The following STK3 variants were observed in gnomAD, a reference collection of about 807,000 sequenced individuals.
The protein encoded by STK3 is serine/threonine-protein kinase 3.
In STK3, 41 loss-of-function variants were observed where a neutral mutation model predicts 58.0. The ratio of observed to expected loss-of-function variants is 0.71; its 90% CI spans 0.55 to 0.92. STK3 has a LOEUF of 0.92. Among genes scored for constraint, STK3 ranks in the 40% least tolerant of loss-of-function variants. The pLI, the probability that STK3 is intolerant of heterozygous loss-of-function variation, is 0.00. For synonymous variants in STK3, 170 were observed against 191.0 expected, an observed-to-expected ratio of 0.89 and a Z score of 0.91; for missense variants, 479 against 602.7, an observed-to-expected ratio of 0.79 and a Z score of 2.15.
chr8:98,693,499 T>C (rs1422823163), intron 6 of STK3, among the ~76,000 whole-genome samples: 1 of 151,932 alleles, frequency 6.6e-6, no homozygotes, highest in Non-Finnish European at 1.5e-5. Context: ...GAAAACAGGA[T>C]TGCAGGCAGC....
At chr8:98,485,311 G>A (rs1335759641) in intron 10 of STK3, among the ~76,000 whole-genome samples, 1 of 152,142 alleles carries the variant, frequency 6.6e-6, no homozygotes, top group Non-Finnish European at 1.5e-5. Flanking sequence ...CATACAAGTG[G>A]TCAATTTGAA....
chr8:98,508,051 G>A (rs1322308119), intron 10 of STK3, among the ~76,000 whole-genome samples: 4 of 152,028 alleles, frequency 2.6e-5, no homozygotes, highest in African/African-American at 7.2e-5. Context: ...CTCCATTACA[G>A]TATATGCTTT....
intron 3 of STK3, among the ~76,000 whole-genome samples, chr8:98,425,317 T>C (rs1338493263): frequency 2.7e-5 from 3 of 113,128 alleles, no homozygotes; most frequent in Non-Finnish European, 5.6e-5. Context: ...TTTCTCCGTC[T>C]CTCCCTCTCA....
chr8:98,635,526 C>CA (rs1475344365), intron 6 of STK3, among the ~76,000 whole-genome samples: 2 of 152,228 alleles, frequency 1.3e-5, no homozygotes, highest in Admixed American at 6.5e-5. Context: ...TCTTAATCAT[C>CA]AAGTTATACT....
intron 1 of STK3, among the ~76,000 whole-genome samples, chr8:98,903,674 A>T (rs1303430835): frequency 6.6e-6 from 1 of 151,830 alleles, no homozygotes. Context: ...CAAACACTGC[A>T]TTACAGATGT....
chr8:98,586,478 G>A (rs1367605462), intron 7 of STK3, among the ~76,000 whole-genome samples: 3 of 149,800 alleles, frequency 2.0e-5, no homozygotes, highest in Non-Finnish European at 4.4e-5. Context: ...GCTTTTTGAT[G>A]TGCTGCTGGA....
chr8:98,582,262 C>T (rs1272363670), intron 7 of STK3, among the ~76,000 whole-genome samples: 1 of 151,958 alleles, frequency 6.6e-6, no homozygotes, highest in Non-Finnish European at 1.5e-5. Context: ...GAATCTGGTA[C>T]ATTCATCTTT....
At chr8:98,924,036 T>C (rs1839690688) in intron 1 of STK3, among the ~76,000 whole-genome samples, 1 of 152,190 alleles carries the variant, frequency 6.6e-6, no homozygotes, top group Non-Finnish European at 1.5e-5. Context: ...CATTGTACCC[T>C]GAAAGAGTTG....
At chr8:98,370,342 AGTGT>A (rs35062643), downstream of STK3, among the ~76,000 whole-genome samples, 4,632 of 138,550 alleles carry the variant, frequency 0.033, 116 homozygotes, top group African/African-American at 0.055. Flanking sequence ...TGACCTCTGC[AGTGT>A]GTGTGTGTGT....
chr8:98,347,297 G>A, the STK3 span, among the ~76,000 whole-genome samples: 289 of 151,912 alleles, frequency 1.9e-3, 8 homozygotes, highest in African/African-American at 6.5e-3. Context: ...GGCGGATCAC[G>A]AGGTCAGGAG....
rs556921703 is a variant in STK3, at chr8:98,477,199, G to A, written c.1318-21199C>T. Among the ~76,000 whole-genome samples the A allele has an allele frequency of 5.9e-5, 9 of 152,158 alleles. No homozygotes were observed. The South Asian group carries it at 1.2e-3, about 21-fold the overall frequency. On this transcript the variant is annotated intron_variant, in intron 10 of 10. Transcript: ENST00000419617. The stretch of plus-strand genomic sequence containing the variant: ...CAGTTTCACAATTTACTACTCTTTC[G>A]CCAAAAGAGTAGTAAATTCAGTATA...
At chr8:98,923,864 C>T (rs768761887) in intron 1 of STK3, among the ~76,000 whole-genome samples, 4,214 of 123,772 alleles carry the variant, frequency 0.034, 186 homozygotes, top group African/African-American at 0.12. Flanking sequence ...TGCGCGCGCG[C>T]GCGCGCGCGC....
intron 2 of STK3, among the ~76,000 whole-genome samples, chr8:98,374,855 C>G (rs113377922): frequency 3.3e-5 from 5 of 152,244 alleles, no homozygotes; most frequent in African/African-American, 1.2e-4. Flanking sequence ...ACATGAGAAG[C>G]TAGAGGGGCT....
intron 8 of STK3, among the ~76,000 whole-genome samples, chr8:98,579,021 T>G (rs546483173): frequency 1.3e-5 from 2 of 151,944 alleles, no homozygotes; most frequent in Non-Finnish European, 2.9e-5. Context: ...CATGGTAGTG[T>G]GCGCCTGTAG....
chr8:98,625,230 G>A (rs976372850), intron 6 of STK3, among the ~76,000 whole-genome samples: 9 of 152,092 alleles, frequency 5.9e-5, no homozygotes, highest in African/African-American at 2.2e-4. Flanking sequence ...GAGGATTACT[G>A]ACAAATTACC....
At chr8:98,866,666 G>T (rs1179750308) in intron 3 of STK3, among the ~76,000 whole-genome samples, 3 of 152,218 alleles carry the variant, frequency 2.0e-5, no homozygotes, top group Non-Finnish European at 4.4e-5. Flanking sequence ...TGAAATGGAG[G>T]TCTGAATGTA....
chr8:98,535,068 T>C (rs776220946), intron 9 of STK3, among the ~76,000 whole-genome samples: 4 of 152,184 alleles, frequency 2.6e-5, no homozygotes, highest in Non-Finnish European at 4.4e-5. Context: ...CACACATAAA[T>C]ACATCTGAAA....
chr8:98,715,468 A>C (rs1051058894), intron 4 of STK3, among the ~76,000 whole-genome samples: 1 of 152,110 alleles, frequency 6.6e-6, no homozygotes, highest in African/African-American at 2.4e-5. Context: ...AAAAGTGGGC[A>C]AAGGATATGA....
chr8:98,805,658 TAGAC>T (rs1359879884), intron 1 of STK3, among the ~76,000 whole-genome samples: 6 of 152,032 alleles, frequency 3.9e-5, no homozygotes, highest in African/African-American at 7.2e-5. Flanking sequence ...ACATAAGAAA[TAGAC>T]AGTAGAACAC....
Sources: gnomAD v4.1 joint callset for allele counts (sites outside exome capture counted in the v4.1 genomes callset) on GRCh38, gnomAD v4.1.1 for gene constraint, MANE v1.5 for transcripts, NCBI Gene and HGNC (gene_info 2026-07-23, HGNC 2026-07-21) for gene names.